TMEM132D: variants seen among roughly 807,000 people sequenced by gnomAD.
The protein encoded by TMEM132D is mature OL transmembrane protein.
In TMEM132D, 21 loss-of-function variants were observed where a neutral mutation model predicts 62.3. That is an observed-to-expected ratio of 0.34 (90% CI 0.24 to 0.49). TMEM132D has a LOEUF of 0.49. Ranked by LOEUF, TMEM132D falls within the 20% of genes least tolerant of loss-of-function variation. The pLI, the probability that TMEM132D is intolerant of heterozygous loss-of-function variation, is 0.99. For missense variants in TMEM132D, 1,346 were observed against 1,402.8 expected, an observed-to-expected ratio of 0.96 and a Z score of 0.65; for synonymous variants, 621 against 575.6, an observed-to-expected ratio of 1.08 and a Z score of -1.13.
chr12:129,238,042 C>T (rs1185253800), intron 4 of TMEM132D, among the ~76,000 whole-genome samples: 1 of 152,124 alleles, frequency 6.6e-6, no homozygotes, highest in Non-Finnish European at 1.5e-5. Flanking sequence ...GAGTTTGTCA[C>T]TTCTGGCTGA....
chr12:129,551,006 A>G (rs1211368175), intron 2 of TMEM132D, among the ~76,000 whole-genome samples: 2 of 152,222 alleles, frequency 1.3e-5, no homozygotes, highest in Non-Finnish European at 2.9e-5. Flanking sequence ...CAAGGCCACC[A>G]TATTGTGAGG....
chr12:129,633,130 G>C (rs558703354), intron 2 of TMEM132D, among the ~76,000 whole-genome samples: 1 of 152,082 alleles, frequency 6.6e-6, no homozygotes, highest in Non-Finnish European at 1.5e-5. Flanking sequence ...CTTTACCGTC[G>C]CATTACAGAC....
At chr12:129,507,189 T>TA (rs895533137) in intron 3 of TMEM132D, among the ~76,000 whole-genome samples, 2 of 151,940 alleles carry the variant, frequency 1.3e-5, no homozygotes, top group African/African-American at 4.8e-5. Flanking sequence ...ATGGCCATAA[T>TA]AAAAAAATAA....
intron 3 of TMEM132D, among the ~76,000 whole-genome samples, chr12:129,462,703 G>A (rs1873719827): frequency 6.6e-6 from 1 of 152,070 alleles, no homozygotes; most frequent in African/African-American, 2.4e-5. Context: ...CAAGGCTCTG[G>A]CAATTAAGTT....
intron 1 of TMEM132D, among the ~76,000 whole-genome samples, chr12:129,818,268 G>A (rs1273786453): frequency 2.1e-5 from 3 of 142,252 alleles, no homozygotes; most frequent in South Asian, 2.4e-4. Context: ...GTGTATGTGT[G>A]TATATGTGTG....
At chr12:129,234,299 G>A (rs1475646922) in intron 4 of TMEM132D, among the ~76,000 whole-genome samples, 2 of 152,178 alleles carry the variant, frequency 1.3e-5, no homozygotes, top group Non-Finnish European at 2.9e-5. Context: ...TGGAACCCGA[G>A]AAGCTATTAT....
At chr12:129,201,855 C>T (rs190516527) in intron 5 of TMEM132D, among the ~76,000 whole-genome samples, 1 of 152,064 alleles carries the variant, frequency 6.6e-6, no homozygotes, top group East Asian at 1.9e-4. Context: ...AATAAAACAC[C>T]CTAAGCTAGC....
At chr12:129,474,891 T>G (rs140948460) in intron 3 of TMEM132D, among the ~76,000 whole-genome samples, 1 of 152,142 alleles carries the variant, frequency 6.6e-6, no homozygotes, top group Non-Finnish European at 1.5e-5. Flanking sequence ...AGAAAAAAAG[T>G]GAGTCCTGGA....
At chr12:129,363,322 C>T (rs985313894) in intron 3 of TMEM132D, among the ~76,000 whole-genome samples, 1 of 152,194 alleles carries the variant, frequency 6.6e-6, no homozygotes, top group Non-Finnish European at 1.5e-5. Context: ...AATCTAACAC[C>T]GTCAGCTCAA....
chr12:129,712,120 ATTATTG>A (rs1384530305), intron 1 of TMEM132D, among the ~76,000 whole-genome samples: 2 of 151,882 alleles, frequency 1.3e-5, no homozygotes, highest in African/African-American at 4.8e-5. Flanking sequence ...TTTTATTATC[ATTATTG>A]TTATTATTAT....
chr12:129,806,753 C>T (rs997607023), intron 1 of TMEM132D, among the ~76,000 whole-genome samples: 8 of 151,978 alleles, frequency 5.3e-5, no homozygotes, highest in Non-Finnish European at 8.8e-5. Flanking sequence ...AGGCCAGGCA[C>T]GGTGGTTCAG....
At chr12:129,142,903 G>C (rs1377553720) in intron 5 of TMEM132D, among the ~76,000 whole-genome samples, 1 of 152,028 alleles carries the variant, frequency 6.6e-6, no homozygotes, top group African/African-American at 2.4e-5. Context: ...GAACCCCTTG[G>C]GTGACATGAC....
intron 2 of TMEM132D, among the ~76,000 whole-genome samples, chr12:129,613,620 T>G (rs1419627518): frequency 6.6e-6 from 1 of 152,214 alleles, no homozygotes; most frequent in South Asian, 2.1e-4. Context: ...GGCTAGTGGG[T>G]GTGCCATCGC....
At chr12:129,416,262 G>A (rs545908596) in intron 3 of TMEM132D, among the ~76,000 whole-genome samples, 15 of 152,240 alleles carry the variant, frequency 9.9e-5, no homozygotes, top group African/African-American at 3.1e-4. Context: ...TCCTTGAAGA[G>A]GTCCTTCATG....
chr12:129,539,744 G>A (rs537219401), intron 2 of TMEM132D, among the ~76,000 whole-genome samples: 1 of 152,116 alleles, frequency 6.6e-6, no homozygotes, highest in South Asian at 2.1e-4. Flanking sequence ...TCGGACCCCA[G>A]AAAGCAAAAC....
intron 1 of TMEM132D, among the ~76,000 whole-genome samples, chr12:129,835,988 T>C (rs1003786217): frequency 6.6e-6 from 1 of 152,262 alleles, no homozygotes; most frequent in Non-Finnish European, 1.5e-5. Context: ...CTCCACTGTC[T>C]TGTACTAAAC....
At chr12:129,660,157 AAG>A (rs560634480) in intron 2 of TMEM132D, among the ~76,000 whole-genome samples, 31 of 149,750 alleles carry the variant, frequency 2.1e-4, no homozygotes, top group Admixed American at 9.3e-4. Flanking sequence ...TGTATTGTAA[AAG>A]AGAGAGAGAG....
chr12:129,084,409 C>T (rs1441905237), intron 6 of TMEM132D, 88 bp downstream of exon 6: 3 of 1,311,098 alleles, frequency 2.3e-6, no homozygotes, highest in Admixed American at 2.7e-5. Flanking sequence ...TAGGGTACCA[C>T]ATGCATCCTC....
chr12:129,363,867 A>G (rs149995723), intron 3 of TMEM132D, among the ~76,000 whole-genome samples: 35 of 152,364 alleles, frequency 2.3e-4, no homozygotes, highest in South Asian at 8.3e-4. Context: ...CGTTTTGGGT[A>G]TGGTGAGGGA....
Sources: gnomAD v4.1 joint callset for allele counts (sites outside exome capture counted in the v4.1 genomes callset) on GRCh38, gnomAD v4.1.1 for gene constraint, MANE v1.5 for transcripts, NCBI Gene and HGNC (gene_info 2026-07-23, HGNC 2026-07-21) for gene names.